PDE10A: variants seen among roughly 807,000 people sequenced by gnomAD.
PDE10A encodes cAMP and cAMP-inhibited cGMP 3',5'-cyclic phosphodiesterase 10A.
PDE10A carries 39 observed loss-of-function variants against 97.7 expected under a neutral mutation model. That is an observed-to-expected ratio of 0.40 (90% CI 0.31 to 0.52). PDE10A has a LOEUF of 0.52. PDE10A is among the 20% of genes least tolerant of loss of function. The pLI is 0.56. For synonymous variants in PDE10A, 371 were observed against 376.8 expected, an observed-to-expected ratio of 0.98 and a Z score of 0.18; for missense variants, 731 against 1,047.8, an observed-to-expected ratio of 0.70 and a Z score of 4.17.
chr6:165,416,364 T>C (rs575559228), intron 11 of PDE10A, 83 bp from the exon 12 acceptor site: 10 of 919,190 alleles, frequency 1.1e-5, no homozygotes, highest in African/African-American at 8.2e-5. Context: ...GTTAATAATA[T>C]TGAATTAAAA....
intron 1 of PDE10A, among the ~76,000 whole-genome samples, chr6:165,685,924 TG>T (rs1163461149): frequency 6.6e-6 from 1 of 152,182 alleles, no homozygotes; most frequent in East Asian, 1.9e-4. Flanking sequence ...AAGATTTGTA[TG>T]GACAAGTGGT....
chr6:165,975,681 C>G (rs1359642980), intron 1 of PDE10A, among the ~76,000 whole-genome samples: 1 of 152,070 alleles, frequency 6.6e-6, no homozygotes, highest in East Asian at 1.9e-4. Context: ...AATGAAACAC[C>G]CTCACTATGA....
Position 165,676,697 on chromosome 6 carries a change from A to G in PDE10A, c.-614-133129T>C, listed in dbSNP as rs146683527. 2.3e-3 allele frequency among the ~76,000 whole-genome samples: 355 copies of G among 152,230 alleles called. 15 individuals are homozygous for G. In the East Asian group the frequency reaches 0.057, roughly 24 times the overall value. On this transcript the variant is annotated intron_variant, in intron 1 of 19. Transcript: ENST00000366882. Reference sequence around the variant, plus strand: ...TGTTTAGGCCACTGACTTGGCTTCCAGTCTTCACAAAATGGGAAACATCAG... The same window carrying G: ...TGTTTAGGCCACTGACTTGGCTTCCGGTCTTCACAAAATGGGAAACATCAG...
intron 1 of PDE10A, among the ~76,000 whole-genome samples, chr6:165,631,060 T>C (rs1002691353): frequency 3.3e-5 from 5 of 152,248 alleles, no homozygotes; most frequent in African/African-American, 1.2e-4. Context: ...GTTGTGTATA[T>C]AGCCAGCTAT....
At chr6:165,405,166 T>C (rs1397016223) in intron 13 of PDE10A, among the ~76,000 whole-genome samples, 2 of 152,022 alleles carry the variant, frequency 1.3e-5, no homozygotes, top group Admixed American at 6.6e-5. Flanking sequence ...ATTGGAAAAA[T>C]GACTCTCTAG....
chr6:165,414,059 A>G (rs890640846), intron 12 of PDE10A, among the ~76,000 whole-genome samples: 2 of 152,180 alleles, frequency 1.3e-5, no homozygotes, highest in Non-Finnish European at 2.9e-5. Context: ...TTTGAAGTTG[A>G]TCGTGTTTAT....
chr6:165,515,880 A>G (rs1781775368), intron 2 of PDE10A, among the ~76,000 whole-genome samples: 1 of 151,956 alleles, frequency 6.6e-6, no homozygotes. Flanking sequence ...TAGTAAATTT[A>G]TTTTCTTAAC....
chr6:165,907,224 A>C (rs1425682221), intron 1 of PDE10A, among the ~76,000 whole-genome samples: 1 of 152,222 alleles, frequency 6.6e-6, no homozygotes, highest in Non-Finnish European at 1.5e-5. Flanking sequence ...GGTGCAGTGC[A>C]GGCCTGCCGC....
At chr6:165,650,732 G>A (rs943225790) in intron 1 of PDE10A, among the ~76,000 whole-genome samples, 1 of 151,260 alleles carries the variant, frequency 6.6e-6, no homozygotes, top group African/African-American at 2.4e-5. Flanking sequence ...ATATCTAGAA[G>A]CAGAATTACT....
intron 1 of PDE10A, among the ~76,000 whole-genome samples, chr6:165,637,902 T>C (rs1788955675): frequency 6.6e-6 from 1 of 152,236 alleles, no homozygotes; most frequent in Admixed American, 6.5e-5. Context: ...TCTCAAAATA[T>C]GCCTTGTCTT....
chr6:165,370,042 T>C (rs753830417), intron 18 of PDE10A, among the ~76,000 whole-genome samples: 3 of 152,092 alleles, frequency 2.0e-5, no homozygotes, highest in Non-Finnish European at 4.4e-5. Context: ...GAGATTCTGT[T>C]ACCACCAGGC....
At chr6:165,695,669 G>T (rs1349063320) in intron 1 of PDE10A, among the ~76,000 whole-genome samples, 1 of 152,188 alleles carries the variant, frequency 6.6e-6, no homozygotes, top group African/African-American at 2.4e-5. Flanking sequence ...ACAGTCTGGA[G>T]GAGGTTAAAC....
At chr6:165,881,566 T>TTTTTC (rs1369058555) in intron 1 of PDE10A, among the ~76,000 whole-genome samples, 9 of 6,150 alleles carry the variant, frequency 1.5e-3, no homozygotes. Flanking sequence ...GCCCAGCTAA[T>TTTTTC]TTTTTTTTTT....
intron 18 of PDE10A, among the ~76,000 whole-genome samples, chr6:165,354,956 CATT>C (rs976567191): frequency 2.0e-5 from 3 of 151,804 alleles, no homozygotes; most frequent in Non-Finnish European, 4.4e-5. Context: ...ATTTTGAACT[CATT>C]ATTAATTCTT....
intron 18 of PDE10A, among the ~76,000 whole-genome samples, chr6:165,371,339 T>C (rs1236220438): frequency 6.6e-6 from 1 of 152,018 alleles, no homozygotes; most frequent in Non-Finnish European, 1.5e-5. Context: ...CTAGCAAGAC[T>C]ACTAAAGAAA....
At chr6:165,335,958 G>A (rs940237345) in intron 21 of PDE10A, among the ~76,000 whole-genome samples, 165 bp downstream of exon 21, 9 of 152,226 alleles carry the variant, frequency 5.9e-5, no homozygotes, top group African/African-American at 1.4e-4. Flanking sequence ...GGGAGAAGTC[G>A]TGGCCCTGGG....
intron 1 of PDE10A, among the ~76,000 whole-genome samples, chr6:165,672,005 A>G (rs1410254228): frequency 6.6e-6 from 1 of 152,210 alleles, no homozygotes; most frequent in African/African-American, 2.4e-5. Context: ...ATACTGGTGA[A>G]GTCTTATCTT....
intron 1 of PDE10A, among the ~76,000 whole-genome samples, chr6:165,688,463 A>G (rs9689801): frequency 0.39 from 58,679 of 152,138 alleles, 12,095 homozygotes; most frequent in East Asian, 0.49. Context: ...TGGGCAACTC[A>G]GGGGGCTTCC....
At chr6:165,768,393 A>C (rs760705233) in intron 1 of PDE10A, among the ~76,000 whole-genome samples, 1 of 152,140 alleles carries the variant, frequency 6.6e-6, no homozygotes, top group Non-Finnish European at 1.5e-5. Flanking sequence ...TTTTCTTCTA[A>C]GAGTTTTACT....
Sources: allele counts gnomAD v4.1 joint callset (sites outside exome capture counted in the v4.1 genomes callset), GRCh38; gene constraint gnomAD v4.1.1; transcripts MANE v1.5; gene names NCBI Gene and HGNC (gene_info 2026-07-23, HGNC 2026-07-21).